The following FRAS1 variants were observed in gnomAD, a reference collection of about 807,000 sequenced individuals.
The protein encoded by FRAS1 is Fraser extracellular matrix complex subunit 1.
In FRAS1, 290 loss-of-function variants were observed where a neutral mutation model predicts 435.2. That is an observed-to-expected ratio of 0.67 (90% CI 0.61 to 0.73). The LOEUF is 0.73. Ranked by LOEUF, FRAS1 falls within the 30% of genes least tolerant of loss-of-function variation. The probability of loss-of-function intolerance (pLI) is 0.00; values close to 1 mark genes in which losing one functional copy is unlikely to be tolerated. For synonymous variants in FRAS1, 1,800 were observed against 1,851.0 expected (o/e 0.97, Z 0.71); for missense variants, 4,860 against 5,001.5 (o/e 0.97, Z 0.85).
At chr4:78,128,075 C>T (rs186583137) in intron 2 of FRAS1, among the ~76,000 whole-genome samples, 2,715 of 152,184 alleles carry the variant, frequency 0.018, 24 homozygotes, top group Non-Finnish European at 0.029. Context: ...CTACAAAGGA[C>T]ATGAACTCAT....
At chr4:78,068,681 T>G in intron 2 of FRAS1, 1 of 429,810 alleles carries the variant, frequency 2.3e-6, no homozygotes, top group Admixed American at 2.6e-5. Context: ...TTAAAAAGAC[T>G]CCATAGGGGT....
chr4:78,298,058 A>C (rs1728228847), intron 14 of FRAS1, among the ~76,000 whole-genome samples: 1 of 125,390 alleles, frequency 8.0e-6, no homozygotes, highest in African/African-American at 2.7e-5. Flanking sequence ...ATATATTACT[A>C]ATCCTCTTTA....
chr4:78,058,616 G>A (rs1739590482), intron 1 of FRAS1, among the ~76,000 whole-genome samples: 1 of 152,162 alleles, frequency 6.6e-6, no homozygotes. Flanking sequence ...GGGCAGTTCA[G>A]TTGCACTGAA....
At chr4:78,346,852 C>A (rs1730621364) in intron 20 of FRAS1, among the ~76,000 whole-genome samples, 1 of 152,174 alleles carries the variant, frequency 6.6e-6, no homozygotes, top group Non-Finnish European at 1.5e-5. Context: ...GCTGATCTCT[C>A]CACTCAGGTG....
Position 78,472,277 on chromosome 4 carries a change from G to A in FRAS1, c.7469G>A (p.Gly2490Asp). 4.3e-6 allele frequency: 7 copies of A among 1,612,908 alleles called. No individual in the cohort carries two copies. Among genetic ancestry groups the A allele is most frequent in the Non-Finnish European group, 5.9e-6 (7 of 1,179,222 alleles). The change falls in exon 52 of 74, where the codon GGC (glycine) becomes GAC (aspartate). Residue 2490 changes from glycine (G) to aspartate (D), a missense_variant. Gly to Asp is a moderately conservative substitution (Grantham distance 94). Coordinates refer to ENST00000512123, the MANE Select transcript of FRAS1 (RefSeq NM_025074.7). The part of the protein sequence containing the change: ...VYEITTGPKH[G>D]FVENKLQPGR... ...GAGATAACGACGGGCCCTAAGCATGGCTTTGTGGAGAACAAGCTGCAGCCT... is the reference window on the plus strand; with the variant it reads ...GAGATAACGACGGGCCCTAAGCATGACTTTGTGGAGAACAAGCTGCAGCCT...
intron 58 of FRAS1, among the ~76,000 whole-genome samples, chr4:78,488,188 A>G (rs988132336): frequency 6.6e-6 from 1 of 152,232 alleles, no homozygotes; most frequent in African/African-American, 2.4e-5. Context: ...CCTCTGGCCA[A>G]ATTTAGTCTG....
rs1342282182 is a variant in FRAS1, at chr4:78,419,066, A to G, written c.4540+3A>G. 1.3e-6 allele frequency: 2 copies of G among 1,483,734 alleles called. No individual in the cohort carries two copies. The highest frequency in any genetic ancestry group is 1.8e-6 in the Non-Finnish European group (2 of 1,089,594). 91.9% of individuals were successfully genotyped at this position (1,483,734 alleles called of 1,614,324 possible). On this transcript the variant is annotated splice_donor_region_variant and intron_variant, in intron 33 of 73. Transcript: ENST00000512123. Reference sequence around the variant, plus strand: ...TCTACCTCTGCATCCAAATCAAGGTAAGATGTGCAGTAAATGATCTTTTGA... The same window carrying G: ...TCTACCTCTGCATCCAAATCAAGGTGAGATGTGCAGTAAATGATCTTTTGA...
At chr4:78,114,948 A>G (rs28839182) in intron 2 of FRAS1, among the ~76,000 whole-genome samples, 32,093 of 151,114 alleles carry the variant, frequency 0.21, 3,525 homozygotes, top group Admixed American at 0.28. Context: ...CCCATTCAGT[A>G]TGATATTGGC....
chr4:78,190,336 C>A (rs974106616), intron 2 of FRAS1, among the ~76,000 whole-genome samples: 2 of 152,164 alleles, frequency 1.3e-5, no homozygotes, highest in African/African-American at 4.8e-5. Context: ...CTGGCTCCCC[C>A]TCCTTCTTCA....
intron 14 of FRAS1, among the ~76,000 whole-genome samples, chr4:78,303,519 C>T (rs1388393929): frequency 6.6e-6 from 1 of 152,126 alleles, no homozygotes; most frequent in Admixed American, 6.5e-5. Flanking sequence ...TTGTTTGTAT[C>T]CTCTTTGACT....
At chr4:78,101,977 C>A (rs1742155607) in intron 2 of FRAS1, among the ~76,000 whole-genome samples, 1 of 152,150 alleles carries the variant, frequency 6.6e-6, no homozygotes, top group African/African-American at 2.4e-5. Context: ...AAAAGCCATT[C>A]CCCCTTAATA....
At chr4:78,146,280 T>C (rs1487490942) in intron 2 of FRAS1, among the ~76,000 whole-genome samples, 4 of 152,184 alleles carry the variant, frequency 2.6e-5, no homozygotes, top group Non-Finnish European at 5.9e-5. Context: ...AGCTCTTCCT[T>C]TGGGAATTTT....
intron 58 of FRAS1, among the ~76,000 whole-genome samples, chr4:78,487,736 G>T (rs1234139693): frequency 6.6e-6 from 1 of 151,956 alleles, no homozygotes; most frequent in African/African-American, 2.4e-5. Flanking sequence ...ACTACATTGA[G>T]TACCATGCAT....
At chr4:78,336,103 A>G (rs560605826) in intron 19 of FRAS1, among the ~76,000 whole-genome samples, 1 of 152,312 alleles carries the variant, frequency 6.6e-6, no homozygotes, top group African/African-American at 2.4e-5. Context: ...TGTTACATTC[A>G]TCTAGCCTTA....
chr4:78,101,839 G>T, intron 2 of FRAS1, among the ~76,000 whole-genome samples: 1 of 152,186 alleles, frequency 6.6e-6, no homozygotes, highest in Non-Finnish European at 1.5e-5. Context: ...TATAACAAGA[G>T]CAGAGCAAGT....
At chr4:78,233,529 C>T (rs913837900) in intron 2 of FRAS1, among the ~76,000 whole-genome samples, 13 of 152,050 alleles carry the variant, frequency 8.5e-5, no homozygotes, top group African/African-American at 3.1e-4. Flanking sequence ...AGTTAGAAGA[C>T]ATTTGCTGAA....
intron 2 of FRAS1, among the ~76,000 whole-genome samples, chr4:78,092,040 T>C (rs1264274946): frequency 6.9e-6 from 1 of 144,824 alleles, no homozygotes; most frequent in Non-Finnish European, 1.5e-5. Context: ...GATCTTGACG[T>C]GTGGGTGGCT....
intron 32 of FRAS1, among the ~76,000 whole-genome samples, chr4:78,417,671 C>G (rs1056949637): frequency 6.6e-6 from 1 of 152,164 alleles, no homozygotes; most frequent in Non-Finnish European, 1.5e-5. Context: ...CTGCCTCTCC[C>G]CAGGACAAAT....
At chr4:78,091,524 G>C (rs1312618078) in intron 2 of FRAS1, among the ~76,000 whole-genome samples, 1 of 152,082 alleles carries the variant, frequency 6.6e-6, no homozygotes, top group Non-Finnish European at 1.5e-5. Context: ...GTATTTTGAG[G>C]AATTCTGAGC....
Sources: gnomAD v4.1 joint callset for allele counts (sites outside exome capture counted in the v4.1 genomes callset) on GRCh38, gnomAD v4.1.1 for gene constraint, MANE v1.5 for transcripts, NCBI Gene and HGNC (gene_info 2026-07-23, HGNC 2026-07-21) for gene names.